The following COL5A1 variants were observed in gnomAD, a reference collection of about 807,000 sequenced individuals.
The protein encoded by COL5A1 is collagen type V alpha 1 chain, also known as collagen alpha-1(V) chain.
Under a neutral mutation model 263.7 loss-of-function variants are expected in COL5A1, and 16 were observed. The ratio of observed to expected loss-of-function variants is 0.06; its 90% CI spans 0.04 to 0.09. COL5A1 has a LOEUF of 0.09. COL5A1 is among the 10% of genes least tolerant of loss of function. The pLI is 1.00. For synonymous variants in COL5A1, 1,012 were observed against 1,004.5 expected, an observed-to-expected ratio of 1.01 and a Z score of -0.14; for missense variants, 2,036 against 2,540.5, an observed-to-expected ratio of 0.80 and a Z score of 4.27.
At position 134,756,753 on chromosome 9, in the gene COL5A1, C is replaced by G. The variant is rs747523137; in HGVS notation, c.1828-12C>G. Reference sequence around the variant, plus strand: ...CTCTTTTGCATTGACGGTTTTGCCTCCTTTGTTCCAGGGTCGGGCTGGGAG... The same window carrying G: ...CTCTTTTGCATTGACGGTTTTGCCTGCTTTGTTCCAGGGTCGGGCTGGGAG... On this transcript the variant is annotated splice_polypyrimidine_tract_variant and intron_variant, in intron 16 of 65. Transcript: ENST00000371817. The G allele has an allele frequency of 2.5e-6, 4 of 1,613,874 alleles. No individual in the cohort carries two copies. The highest frequency in any genetic ancestry group is 1.7e-5 in the Admixed American group (1 of 60,006).
intron 28 of COL5A1, among the ~76,000 whole-genome samples, chr9:134,781,076 AC>A (rs1253960572): frequency 2.0e-5 from 3 of 152,188 alleles, no homozygotes; most frequent in Admixed American, 6.5e-5. Context: ...CTTATTTGCT[AC>A]CTGTCGAAGA....
At chr9:134,809,514 C>T (rs540361201) in intron 43 of COL5A1, among the ~76,000 whole-genome samples, 3 of 152,310 alleles carry the variant, frequency 2.0e-5, no homozygotes, top group African/African-American at 7.2e-5. Context: ...ACTTAGAAAC[C>T]ACACCCTCCT....
intron 11 of COL5A1, among the ~76,000 whole-genome samples, chr9:134,747,934 C>T (rs1237696909): frequency 7.0e-6 from 1 of 142,852 alleles, no homozygotes; most frequent in Non-Finnish European, 1.5e-5. Flanking sequence ...TTCATACACA[C>T]ATGCATTCAT....
At chr9:134,748,403 A>G (rs1395801578) in intron 11 of COL5A1, among the ~76,000 whole-genome samples, 1 of 152,200 alleles carries the variant, frequency 6.6e-6, no homozygotes, top group Non-Finnish European at 1.5e-5. Context: ...ATACACTTAC[A>G]TCCACACATA....
Position 134,758,341 on chromosome 9 carries a change from G to A in COL5A1, c.1935+45G>A, listed in dbSNP as rs377437112. 10 of 1,595,846 alleles carry A rather than the reference G, an allele frequency of 6.3e-6. No individual in the cohort carries two copies. Among genetic ancestry groups the A allele is most frequent in the Non-Finnish European group, 7.7e-6 (9 of 1,163,684 alleles). On this transcript the variant is annotated intron_variant, in intron 18 of 65. Coordinates refer to ENST00000371817, the MANE Select transcript of COL5A1 (RefSeq NM_000093.5). The surrounding 1 kb of genome is among the most constrained non-coding windows in gnomAD (Gnocchi z 4.1). Reference sequence around the variant, plus strand: ...GACACAGGCATGACGATGGGCAGCAGAGGTGTCTCTCGGGAGGCCCTTCTC... The same window carrying A: ...GACACAGGCATGACGATGGGCAGCAAAGGTGTCTCTCGGGAGGCCCTTCTC...
At chr9:134,753,611 A>T (rs1170548767) in intron 14 of COL5A1, among the ~76,000 whole-genome samples, 1 of 152,326 alleles carries the variant, frequency 6.6e-6, no homozygotes, top group Admixed American at 6.5e-5. Context: ...GCGAGCCCCA[A>T]CAACTAGAAT....
At position 134,823,021 on chromosome 9, in the gene COL5A1, T is replaced by C; in HGVS notation, c.4632T>C (p.Ala1544=). ...GLPGPPGPKG[A]KGSSGPTGPK... ...AGGGTCCGCCTGGTCCAAAAGGTGCTAAGGGCTCCTCGGTAAGTAACATGC... is the reference window on the plus strand; with the variant it reads ...AGGGTCCGCCTGGTCCAAAAGGTGCCAAGGGCTCCTCGGTAAGTAACATGC... The change falls in exon 60 of 66, where the codon GCT becomes GCC. Residue 1544 remains alanine (A), a synonymous_variant. Coordinates refer to ENST00000371817, the MANE Select transcript of COL5A1 (RefSeq NM_000093.5). The C allele has an allele frequency of 6.2e-7, 1 of 1,614,028 alleles. No homozygotes were observed. The highest frequency in any genetic ancestry group is 8.5e-7 in the Non-Finnish European group (1 of 1,179,990).
intron 1 of COL5A1, among the ~76,000 whole-genome samples, chr9:134,687,890 C>G (rs568644503): frequency 1.4e-4 from 21 of 152,300 alleles, no homozygotes; most frequent in Admixed American, 3.9e-4. Flanking sequence ...GGCCTTGACC[C>G]ACTGGGATCC....
intron 1 of COL5A1, among the ~76,000 whole-genome samples, chr9:134,645,922 C>T (rs910140352): frequency 3.3e-5 from 5 of 152,166 alleles, no homozygotes; most frequent in Non-Finnish European, 7.3e-5. Context: ...CTTTTAAGTT[C>T]CTTTCTTTCT....
intron 9 of COL5A1, among the ~76,000 whole-genome samples, chr9:134,736,437 C>A (rs528938879): frequency 2.0e-5 from 3 of 152,340 alleles, no homozygotes; most frequent in Admixed American, 2.0e-4. Flanking sequence ...CCCACCCTAA[C>A]GAGCCCGCTC....
intron 53 of COL5A1, 41 bp from the exon 54 acceptor site, chr9:134,817,737 C>T: frequency 6.3e-7 from 1 of 1,598,688 alleles, no homozygotes; most frequent in Non-Finnish European, 8.6e-7. Flanking sequence ...TCCACCCCTG[C>T]AGGCCACACT....
At chr9:134,646,911 C>G (rs1291207523) in intron 1 of COL5A1, among the ~76,000 whole-genome samples, 2 of 152,238 alleles carry the variant, frequency 1.3e-5, no homozygotes, top group Admixed American at 1.3e-4. Flanking sequence ...GGACAAGTCA[C>G]TGCACCTCAG....
chr9:134,760,350 CA>C (rs1836314805), intron 18 of COL5A1, among the ~76,000 whole-genome samples: 1 of 105,922 alleles, frequency 9.4e-6, no homozygotes, highest in Admixed American at 9.6e-5. Flanking sequence ...CACCCCCACA[CA>C]CCCCCACACA....
intron 24 of COL5A1, among the ~76,000 whole-genome samples, chr9:134,767,794 C>T (rs949625818): frequency 1.3e-5 from 2 of 152,178 alleles, no homozygotes; most frequent in Non-Finnish European, 1.5e-5. Flanking sequence ...AGTGCTTGCC[C>T]TTCTAGAGCT....
intron 11 of COL5A1, among the ~76,000 whole-genome samples, chr9:134,739,694 A>C (rs750595176): frequency 2.6e-5 from 4 of 152,158 alleles, no homozygotes; most frequent in Non-Finnish European, 5.9e-5. Context: ...AGTGCTCAGG[A>C]AAGGCGGGCC....
Position 134,661,986 on chromosome 9 carries a change from C to T in COL5A1, c.109+19690C>T, listed in dbSNP as rs542098598. The stretch of plus-strand genomic sequence containing the variant: ...ATGCTGAAAGCCGCCTTCTCTGGGG[C>T]GGTTACTCACGCAGAGGCGGGAACC... On this transcript the variant is annotated intron_variant, in intron 1 of 65. Transcript: ENST00000371817. Among the ~76,000 whole-genome samples the T allele has an allele frequency of 1.2e-4, 18 of 152,164 alleles. No homozygotes were observed. The East Asian group carries it at 3.1e-3, about 26-fold the overall frequency.
chr9:134,793,503 G>T (rs933664560), intron 32 of COL5A1, among the ~76,000 whole-genome samples: 2 of 152,126 alleles, frequency 1.3e-5, no homozygotes, highest in African/African-American at 4.8e-5. Flanking sequence ...ATGGCGTTGC[G>T]GTCGAGCCGG....
chr9:134,703,968 C>T (rs1172308049), intron 4 of COL5A1, among the ~76,000 whole-genome samples: 1 of 152,090 alleles, frequency 6.6e-6, no homozygotes, highest in African/African-American at 2.4e-5. Flanking sequence ...CATGCAGTCT[C>T]TTTTTTGTGC....
At chr9:134,725,175 T>G (rs1834603009) in intron 4 of COL5A1, among the ~76,000 whole-genome samples, 1 of 151,984 alleles carries the variant, frequency 6.6e-6, no homozygotes, top group Non-Finnish European at 1.5e-5. Context: ...TTCCCTCCCT[T>G]GAGTGTGGTG....
Sources: allele counts gnomAD v4.1 joint callset (sites outside exome capture counted in the v4.1 genomes callset), GRCh38; gene constraint gnomAD v4.1.1; non-coding constraint Gnocchi (gnomAD v3.1); transcripts MANE v1.5; gene names NCBI Gene and HGNC (gene_info 2026-07-23, HGNC 2026-07-21).